Variants in PCNA observed in about 807,000 individuals in gnomAD.
PCNA encodes the protein proliferating cell nuclear antigen, also known as DNA sliding clamp PCNA.
Under a neutral mutation model 27.8 loss-of-function variants are expected in PCNA, and 4 were observed. The ratio of observed to expected loss-of-function variants is 0.14; its 90% confidence interval spans 0.07 to 0.33. The LOEUF (loss-of-function observed/expected upper bound fraction) is 0.33, where lower values mean the gene tolerates loss of function less well. Among genes scored for constraint, PCNA ranks in the 10% least tolerant of loss-of-function variants. The pLI, the probability that PCNA is intolerant of heterozygous loss-of-function variation, is 1.00. For missense variants in PCNA, 165 were observed against 327.4 expected (o/e 0.50, Z 3.83); for synonymous variants, 121 against 119.4 (o/e 1.01, Z -0.09).
intron 3 of PCNA, 70 bp downstream of exon 3, chr20:5,118,540 A>C: frequency 8.7e-7 from 1 of 1,149,496 alleles, no homozygotes; most frequent in Non-Finnish European, 1.3e-6. Flanking sequence ...TGTAAAAATA[A>C]ACAAACATTC....
chr20:5,119,812 C>T lies in PCNA; in HGVS notation c.-14G>A, dbSNP rs1302215192. 6.4e-7 allele frequency: 1 copy of T among 1,550,684 alleles called. No homozygotes were observed. The highest frequency in any genetic ancestry group is 1.4e-5 in the African/African-American group (1 of 73,456). On this transcript the variant is annotated 5_prime_UTR_variant, in exon 1 of 6. Transcript: ENST00000379143. ...CGCCTCGAACATGGTGGCGGAGTGG[C>T]AACAACGCCGCTACAGGCAGGCGGG...
Position 5,119,768 on chromosome 20 carries a change from T to C in PCNA, c.31A>G (p.Ile11Val). 1.3e-6 allele frequency: 2 copies of C among 1,578,144 alleles called. No individual in the cohort carries two copies. Among genetic ancestry groups the C allele is most frequent in the Non-Finnish European group, 1.7e-6 (2 of 1,161,980 alleles). MFEARLVQGSILKKVLEALKD... is the reference protein window; with the variant it reads MFEARLVQGSVLKKVLEALKD... ...AGTGCCTCCAACACCTTCTTGAGGA[T>C]GGAGCCCTGGACCAGGCGCGCCTCG... The change falls in exon 1 of 6, where the codon ATC becomes GTC. Residue 11 changes from isoleucine to valine, a missense_variant. Coordinates refer to ENST00000379143, the MANE Select transcript of PCNA (RefSeq NM_182649.2).
chr20:5,117,871 C>A (rs1244765659), intron 3 of PCNA, among the ~76,000 whole-genome samples: 1 of 152,228 alleles, frequency 6.6e-6, no homozygotes, highest in African/African-American at 2.4e-5. Context: ...GAGCCTCCTC[C>A]TCCTCATCCT....
At chr20:5,125,031 C>T (rs369023006) in intron 1 of PCNA, among the ~76,000 whole-genome samples, 21 of 152,190 alleles carry the variant, frequency 1.4e-4, no homozygotes, top group African/African-American at 4.6e-4. Context: ...ACACTAACAT[C>T]TTCACCTGTC....
At chr20:5,126,423 T>C (rs796236382) in intron 1 of PCNA, 1 of 152,378 alleles carries the variant, frequency 6.6e-6, no homozygotes, top group African/African-American at 2.4e-5. Context: ...TTTCTCATCA[T>C]GTGATAAGTG....
At chr20:5,116,822 T>C (rs1334035340) in intron 4 of PCNA, among the ~76,000 whole-genome samples, 1 of 152,180 alleles carries the variant, frequency 6.6e-6, no homozygotes, top group Non-Finnish European at 1.5e-5. Flanking sequence ...CCGGCTAATT[T>C]TTATATTTTT....
At chr20:5,122,614 T>C (rs546620611), upstream of PCNA, among the ~76,000 whole-genome samples, 5 of 152,358 alleles carry the variant, frequency 3.3e-5, no homozygotes, top group South Asian at 6.2e-4. Flanking sequence ...CAAAACATAA[T>C]ACAGCATCAT....
chr20:5,117,727 C>T (rs527371548), intron 3 of PCNA, 63 bp from the exon 4 acceptor site: 9 of 1,046,742 alleles, frequency 8.6e-6, no homozygotes, highest in Non-Finnish European at 1.3e-5. Context: ...GGCACCCTCA[C>T]TTTCTTAAAA....
chr20:5,119,831 A>T lies in PCNA; in HGVS notation c.-33T>A. On this transcript the variant is annotated 5_prime_UTR_variant, in exon 1 of 6. Coordinates refer to ENST00000379143, the MANE Select transcript of PCNA (RefSeq NM_182649.2). ...GAGTGGCAACAACGCCGCTACAGGC[A>T]GGCGGGAAGGAGGAAAGTCTAGCTG... 2 of 1,510,900 alleles carry T rather than the reference A, an allele frequency of 1.3e-6. No individual in the cohort carries two copies. Among genetic ancestry groups the T allele is most frequent in the Non-Finnish European group, 1.8e-6 (2 of 1,111,804 alleles). The allele number at this position is 1,510,900 out of a possible 1,614,324, so 93.6% of individuals were successfully genotyped here.
chr20:5,115,220 T>A lies in PCNA; in HGVS notation c.*63A>T, dbSNP rs2090466853. On this transcript the variant is annotated 3_prime_UTR_variant, in exon 6 of 6. Transcript: ENST00000379143. ...TGGTGACAGAAAAGACTTCAGTATA[T>A]GCTGGCATCTTAGAAGCAGTTCTCA... The A allele has an allele frequency of 2.4e-6, 3 of 1,263,782 alleles. No homozygotes were observed. The highest frequency in any genetic ancestry group is 3.5e-6 in the Non-Finnish European group (3 of 868,258). 78.3% of individuals were successfully genotyped at this position (1,263,782 alleles called of 1,614,324 possible). A position where few individuals can be genotyped will look rare whatever the true frequency, so the allele number is the denominator to read the frequency against.
upstream of PCNA, among the ~76,000 whole-genome samples, chr20:5,123,565 C>G (rs2090528848): frequency 6.6e-6 from 1 of 151,742 alleles, no homozygotes; most frequent in Non-Finnish European, 1.5e-5. Context: ...CGTGGTGGTG[C>G]ACACCTGTAA....
upstream of PCNA, among the ~76,000 whole-genome samples, chr20:5,122,185 T>C (rs2090522805): frequency 6.6e-6 from 1 of 152,136 alleles, no homozygotes; most frequent in Non-Finnish European, 1.5e-5. Flanking sequence ...TTTTGCCATG[T>C]TGGCCAGGTT....
rs774974315 is a variant in PCNA at position 5,117,672 on chromosome 20, G to A, written c.388-8C>T. On this transcript the variant is annotated splice_polypyrimidine_tract_variant and splice_region_variant and intron_variant, in intron 3 of 5. Transcript: ENST00000379143. Reference sequence around the variant, plus strand: ...ACAGCTGTACTCCTGTTCCTATTAAGAACAAAAATTTTCCAAAAGTTAATT... The same window carrying A: ...ACAGCTGTACTCCTGTTCCTATTAAAAACAAAAATTTTCCAAAAGTTAATT... The A allele has an allele frequency of 1.3e-6, 2 of 1,514,814 alleles. No homozygotes were observed. Among genetic ancestry groups the A allele is most frequent in the East Asian group, 2.4e-5 (1 of 41,722 alleles). 93.8% of individuals were successfully genotyped at this position (1,514,814 alleles called of 1,614,324 possible). A position where few individuals can be genotyped will look rare whatever the true frequency, so the allele number is the denominator to read the frequency against.
chr20:5,119,530 G>A (rs746605765), intron 1 of PCNA, 48 bp downstream of exon 1: 44 of 1,482,766 alleles, frequency 3.0e-5, no homozygotes, highest in East Asian at 1.4e-4. Context: ...GCCAAGCACC[G>A]GAGGTGCAGG....
At chr20:5,120,533 A>G (rs1015859665), upstream of PCNA, among the ~76,000 whole-genome samples, 2 of 148,200 alleles carry the variant, frequency 1.3e-5, no homozygotes, top group Non-Finnish European at 3.0e-5. Context: ...AGCTTTTTTA[A>G]AAGTTCGAAT....
chr20:5,116,930 T>C (rs1192817809), intron 4 of PCNA, among the ~76,000 whole-genome samples: 1 of 152,180 alleles, frequency 6.6e-6, no homozygotes, highest in East Asian at 1.9e-4. Flanking sequence ...CTAGCCTTAG[T>C]GAGAAGTCTC....
intron 4 of PCNA, among the ~76,000 whole-genome samples, chr20:5,115,795 T>C (rs1568518802): frequency 6.6e-6 from 1 of 152,210 alleles, no homozygotes; most frequent in Non-Finnish European, 1.5e-5. Context: ...AAAGCTTTTC[T>C]TTATGGAAGT....
upstream of PCNA, among the ~76,000 whole-genome samples, chr20:5,123,638 T>C (rs534107736): frequency 6.7e-4 from 100 of 150,082 alleles, no homozygotes; most frequent in Admixed American, 1.3e-3. Context: ...GAGGTTGCAG[T>C]GAACCAAGAT....
upstream of PCNA, among the ~76,000 whole-genome samples, chr20:5,120,692 A>C (rs1178932198): frequency 4.6e-5 from 7 of 152,184 alleles, no homozygotes; most frequent in Non-Finnish European, 1.5e-5. Context: ...ATAATTTATC[A>C]ATCTCCTGTT....
Sources: gnomAD v4.1 joint callset for allele counts (sites outside exome capture counted in the v4.1 genomes callset) on GRCh38, gnomAD v4.1.1 for gene constraint, MANE v1.5 for transcripts, NCBI Gene and HGNC (gene_info 2026-07-23, HGNC 2026-07-21) for gene names.